Variants in KLC2 observed in about 807,000 individuals in gnomAD.
KLC2 encodes the protein KLC 2.
Under a neutral mutation model 75.1 loss-of-function variants are expected in KLC2, and 35 were observed. That is an observed-to-expected ratio of 0.47 (90% confidence interval 0.36 to 0.62). The LOEUF (loss-of-function observed/expected upper bound fraction) is 0.62. Among genes scored for constraint, KLC2 ranks in the 20% least tolerant of loss-of-function variants. The pLI is 0.00. For missense variants in KLC2, 611 were observed against 833.2 expected (o/e 0.73, Z 3.28); for synonymous variants, 314 against 336.7 (o/e 0.93, Z 0.74).
rs569031015 is a variant in KLC2 at position 66,261,320 on chromosome 11, A to T, written c.229-422A>T. The T allele has an allele frequency of 1.3e-4, 20 of 158,954 alleles. No individual in the cohort carries two copies. In the East Asian group the frequency reaches 3.5e-3, roughly 28 times the overall value. The allele number at this position is 158,954 out of a possible 1,614,324, so 9.8% of individuals were successfully genotyped here. On this transcript the variant is annotated intron_variant, in intron 2 of 15. Transcript: ENST00000394067. ...GGCCCCTCAGCAGAAGTGGGGATGG[A>T]GTCTTTGGGTGGTCCTTCAGCCATC... is the stretch of plus-strand genomic sequence containing the variant.
rs1244163522 is a variant in KLC2 at position 66,267,200 on chromosome 11, C to A, written c.*244C>A. On this transcript the variant is annotated 3_prime_UTR_variant, in exon 16 of 16. Transcript: ENST00000394067. ...GCCCTCTTCCCTAGGTTCGGGCCAG[C>A]AGGAGGTGCCGGCTGGAGTCTCCAC... is the stretch of plus-strand genomic sequence containing the variant. 3 of 1,548,794 alleles carry A rather than the reference C, an allele frequency of 1.9e-6. No homozygotes were observed. The Admixed American group carries it at 5.9e-5, about 30-fold the overall frequency.
rs771673896 is a variant in KLC2, at chr11:66,266,907, T to TCAGCTC, written c.1829_1834dup (p.Ser610_Ser611dup). On this transcript the variant is annotated inframe_insertion, in exon 16 of 16. Coordinates refer to ENST00000394067, the MANE Select transcript of KLC2 (RefSeq NM_001318734.2). ...ACAGGTCTCTCTGACAGCCGCACTC[T>TCAGCTC]CAGCTCCAGCTCCATGGACCTCTCC... The TCAGCTC allele has an allele frequency of 6.2e-7, 1 of 1,613,596 alleles. No homozygotes were observed. Among genetic ancestry groups the TCAGCTC allele is most frequent in the South Asian group, 1.1e-5 (1 of 91,090 alleles).
At chr11:66,259,417 G>A (rs1219563002) in intron 2 of KLC2, 1 of 152,386 alleles carries the variant, frequency 6.6e-6, no homozygotes, top group Non-Finnish European at 1.5e-5. Context: ...AGGAAAGGGA[G>A]GCAGGGGAGA....
chr11:66,258,604 A>T lies in KLC2; in HGVS notation c.10A>T (p.Met4Leu), dbSNP rs746725901. 1 of 1,612,716 alleles carries T rather than the reference A, an allele frequency of 6.2e-7. No individual in the cohort carries two copies. The highest frequency in any genetic ancestry group is 8.5e-7 in the Non-Finnish European group (1 of 1,179,150). ...CACAGACGCCACAGCCATGGCCATG[A>T]TGGTGTTTCCGCGGGAGGAGAAGCT... The part of the protein sequence containing the change: MAM[M>L]VFPREEKLSQ... The change falls in exon 2 of 16, where the codon ATG becomes TTG. Residue 4 changes from methionine (M) to leucine (L), a missense_variant. Transcript: ENST00000394067.
chr11:66,246,823 A>G, the KLC2 span, among the ~76,000 whole-genome samples: 5 of 152,254 alleles, frequency 3.3e-5, no homozygotes, highest in South Asian at 1.0e-3. Context: ...GATGCAAATA[A>G]TCACCCGCTT....
chr11:66,266,100 G>C lies in KLC2; in HGVS notation c.1610G>C (p.Ser537Thr). 6.2e-7 allele frequency: 1 copy of C among 1,614,086 alleles called. No homozygotes were observed. The highest frequency in any genetic ancestry group is 1.1e-5 in the South Asian group (1 of 91,082). Residue 537 changes from serine (S) to threonine (T), a missense_variant, in exon 14 of 16, where the codon AGT becomes ACT. Coordinates refer to ENST00000394067, the MANE Select transcript of KLC2 (RefSeq NM_001318734.2). The stretch of plus-strand genomic sequence containing the variant: ...AAGCCTGTCCACCTGCAGGATGGCA[G>C]TGGCTCCTTGAGGCGCAGCGGTTCC... The part of the protein sequence containing the change: ...GPTAEWNGDG[S>T]GSLRRSGSFG...
chr11:66,265,002 C>T (rs1856713598), intron 9 of KLC2, 21 bp from the exon 10 acceptor site: 2 of 1,611,988 alleles, frequency 1.2e-6, no homozygotes, highest in South Asian at 2.2e-5. Context: ...AGGCTGGTGA[C>T]AGTCCCCTTT....
chr11:66,254,704 G>A (rs1266459849), upstream of KLC2, among the ~76,000 whole-genome samples: 1 of 147,216 alleles, frequency 6.8e-6, no homozygotes, highest in Non-Finnish European at 1.5e-5. Flanking sequence ...GGGAGGCCAA[G>A]GTGGGCGGAT....
intron 4 of KLC2, chr11:66,262,457 C>G (rs763560725): frequency 5.4e-6 from 3 of 559,518 alleles, no homozygotes; most frequent in Non-Finnish European, 6.4e-6. Context: ...TGGGAGAGTT[C>G]TCTTCCTCTC....
upstream of KLC2, among the ~76,000 whole-genome samples, chr11:66,252,811 A>G (rs924648540): frequency 1.3e-5 from 2 of 152,084 alleles, no homozygotes; most frequent in African/African-American, 2.4e-5. Flanking sequence ...CAGATTTGCC[A>G]TAAGGCCACA....
chr11:66,262,507 T>A, intron 4 of KLC2: 1 of 549,388 alleles, frequency 1.8e-6, no homozygotes, highest in South Asian at 2.3e-5. Context: ...ACAGCCACAA[T>A]GGGGCCAGTG....
chr11:66,267,484 G>A lies in KLC2; in HGVS notation c.*528G>A, dbSNP rs950109344. On this transcript the variant is annotated 3_prime_UTR_variant, in exon 16 of 16. Transcript: ENST00000394067. The stretch of plus-strand genomic sequence containing the variant: ...GGTATCTCCCAGGCTCTACATTCTC[G>A]GGAGCGGCGCCTCCCAAGGGGGTCC... 5.0e-5 allele frequency: 35 copies of A among 701,612 alleles called. No individual in the cohort carries two copies. Among genetic ancestry groups the A allele is most frequent in the African/African-American group, 1.1e-4 (6 of 56,684 alleles). 43.5% of individuals were successfully genotyped at this position (701,612 alleles called of 1,614,324 possible). A position where few individuals can be genotyped will look rare whatever the true frequency, so the allele number is the denominator to read the frequency against.
chr11:66,262,093 C>T (rs1436767541), intron 3 of KLC2, 30 bp from the exon 4 acceptor site: 2 of 1,609,152 alleles, frequency 1.2e-6, no homozygotes, highest in Admixed American at 1.7e-5. Flanking sequence ...GTGCCTCCTT[C>T]CCTGATGCTC....
In KLC2 at chr11:66,266,152, G is replaced by A. The variant is rs367871112; in HGVS notation, c.1662G>A (p.Arg554=). The A allele has an allele frequency of 4.1e-5, 66 of 1,613,520 alleles. No homozygotes were observed. Among genetic ancestry groups the A allele is most frequent in the Non-Finnish European group, 5.2e-5 (61 of 1,179,868 alleles). The change falls in exon 14 of 16, where the codon AGG becomes AGA. Residue 554 remains arginine (R), a synonymous_variant. Transcript: ENST00000394067. ...TTGGGAAACTCCGGGATGCCCTGAG[G>A]CGCAGCAGTGAGATGCTGGTAAAGA... is the stretch of plus-strand genomic sequence containing the variant. The part of the protein sequence containing the change: ...GSFGKLRDAL[R]RSSEMLVKKL...
chr11:66,253,668 C>T (rs531420809), upstream of KLC2, among the ~76,000 whole-genome samples: 7 of 152,304 alleles, frequency 4.6e-5, no homozygotes, highest in Admixed American at 3.9e-4. Flanking sequence ...CAGTCTCTTC[C>T]TTTGGGAGAC....
chr11:66,258,577 C>T lies in KLC2; in HGVS notation c.-11-7C>T. On this transcript the variant is annotated splice_region_variant and splice_polypyrimidine_tract_variant and intron_variant, in intron 1 of 15. Coordinates refer to ENST00000394067, the MANE Select transcript of KLC2 (RefSeq NM_001318734.2). ...GCGCCCGCCTGCCCGCACCCTCGTC[C>T]TCACAGACGCCACAGCCATGGCCAT... 6.3e-7 allele frequency: 1 copy of T among 1,592,866 alleles called. No homozygotes were observed. Among genetic ancestry groups the T allele is most frequent in the South Asian group, 1.1e-5 (1 of 90,610 alleles).
chr11:66,266,203 GC>G lies in KLC2; in HGVS notation c.1718del (p.Pro573LeufsTer5). 1 of 1,608,400 alleles carries G rather than the reference GC, an allele frequency of 6.2e-7. No homozygotes were observed. Among genetic ancestry groups the G allele is most frequent in the Non-Finnish European group, 8.5e-7 (1 of 1,177,746 alleles). ...KKLQGGTPQE[P>X]PNPRMKRASS... ...AGCTGCAGGGGGGCACCCCCCAGGA[GC>G]CCCCTAACCCCAGGTGAGCCCCCCA... On this transcript the variant is annotated frameshift_variant, in exon 14 of 16. Coordinates refer to ENST00000394067, the MANE Select transcript of KLC2 (RefSeq NM_001318734.2). LOFTEE classifies it high-confidence loss of function.
intron 1 of KLC2, 72 bp from the exon 2 acceptor site, chr11:66,258,512 T>A (rs1159483409): frequency 1.9e-6 from 2 of 1,048,980 alleles, no homozygotes; most frequent in Non-Finnish European, 2.9e-6. Context: ...ACCGCCTGTT[T>A]ACCTAATCCG....
At position 66,267,612 on chromosome 11, in the gene KLC2, C is replaced by A; in HGVS notation, c.*656C>A. 1 of 599,804 alleles carries A rather than the reference C, an allele frequency of 1.7e-6. No homozygotes were observed. The highest frequency in any genetic ancestry group is 3.0e-6 in the Non-Finnish European group (1 of 334,790). 37.2% of individuals were successfully genotyped at this position (599,804 alleles called of 1,614,324 possible). On this transcript the variant is annotated 3_prime_UTR_variant, in exon 16 of 16. Transcript: ENST00000394067. ...ACCTCCCCTTAGTCCGTCCTCCCACCGCCGGGCCCTGCCCCGCATCCCGGC... is the reference window on the plus strand; with the variant it reads ...ACCTCCCCTTAGTCCGTCCTCCCACAGCCGGGCCCTGCCCCGCATCCCGGC...
Sources: allele counts gnomAD v4.1 joint callset (sites outside exome capture counted in the v4.1 genomes callset), GRCh38; gene constraint gnomAD v4.1.1; transcripts MANE v1.5; gene names NCBI Gene and HGNC (gene_info 2026-07-23, HGNC 2026-07-21).